The following RSPH6A variants were observed in gnomAD, a reference collection of about 807,000 sequenced individuals.
The protein encoded by RSPH6A is radial spoke head protein 6 homolog A.
In RSPH6A, 49 loss-of-function variants were observed where a neutral mutation model predicts 66.1. That is an observed-to-expected ratio of 0.74 (90% CI 0.59 to 0.94). RSPH6A has a LOEUF of 0.94. Among genes scored for constraint, RSPH6A ranks in the 40% least tolerant of loss-of-function variants. RSPH6A has a pLI of 0.00. For synonymous variants in RSPH6A, 419 were observed against 402.4 expected (o/e 1.04, Z -0.49); for missense variants, 977 against 948.3 (o/e 1.03, Z -0.40).
chr19:45,802,194 T>C lies in RSPH6A; in HGVS notation c.1724A>G (p.Lys575Arg). Reference sequence around the variant, plus strand: ...CACCTCCTCTGGCCCCTCATCTGCCTTCTCTTCCTCCTCCCCCAGGTCCTC... The same window carrying C: ...CACCTCCTCTGGCCCCTCATCTGCCCTCTCTTCCTCCTCCCCCAGGTCCTC... ...EEEDLGEEEE[K>R]ADEGPEEVEQ... Residue 575 changes from lysine to arginine, a missense_variant, in exon 4 of 6, where the codon AAG (lysine) becomes AGG (arginine). Coordinates refer to ENST00000221538, the MANE Select transcript of RSPH6A (RefSeq NM_030785.4). The C allele has an allele frequency of 6.4e-7, 1 of 1,552,696 alleles. No individual in the cohort carries two copies. Among genetic ancestry groups the C allele is most frequent in the Non-Finnish European group, 8.7e-7 (1 of 1,145,226 alleles).
intron 2 of RSPH6A, 60 bp from the exon 3 acceptor site, chr19:45,805,076 C>A: frequency 2.1e-6 from 3 of 1,428,538 alleles, no homozygotes; most frequent in Non-Finnish European, 2.9e-6. Context: ...CCCTAGCCTA[C>A]CTCTTCCAGA....
At chr19:45,800,825 C>T (rs1323180410) in intron 4 of RSPH6A, among the ~76,000 whole-genome samples, 5 of 148,872 alleles carry the variant, frequency 3.4e-5, no homozygotes, top group East Asian at 2.0e-4. Flanking sequence ...GACAGAGTCT[C>T]GTCGCTTTGT....
At chr19:45,801,795 A>C (rs573076816) in intron 4 of RSPH6A, among the ~76,000 whole-genome samples, 1 of 149,570 alleles carries the variant, frequency 6.7e-6, no homozygotes, top group Non-Finnish European at 1.5e-5. Context: ...CACCACCACC[A>C]CACACACACA....
intron 2 of RSPH6A, among the ~76,000 whole-genome samples, chr19:45,806,446 G>T (rs752682063): frequency 6.6e-6 from 1 of 151,958 alleles, no homozygotes; most frequent in Non-Finnish European, 1.5e-5. Context: ...GCCAAGGCAG[G>T]GAAATCACAA....
At chr19:45,796,448 G>A (rs1970409821) in intron 5 of RSPH6A, among the ~76,000 whole-genome samples, 1 of 151,730 alleles carries the variant, frequency 6.6e-6, no homozygotes, top group Non-Finnish European at 1.5e-5. Context: ...CACCGCACCT[G>A]GCCAGCCTTG....
At chr19:45,806,350 T>G (rs1970542853) in intron 2 of RSPH6A, among the ~76,000 whole-genome samples, 1 of 151,796 alleles carries the variant, frequency 6.6e-6, no homozygotes, top group African/African-American at 2.4e-5. Flanking sequence ...AGAAAGGGAC[T>G]GAAGGCAAGC....
rs760087377 is a variant in RSPH6A at position 45,800,453 on chromosome 19, T to TGGCATA, written c.1903_1908dup (p.Tyr635_Ala636dup). On this transcript the variant is annotated inframe_insertion, in exon 5 of 6. Transcript: ENST00000221538. ...GGCTGGGGGAAGACCTACTTGCCAC[T>TGGCATA]GGCATAGGCATAGGCCCCGGGCCAG... 31 of 1,612,210 alleles carry TGGCATA rather than the reference T, an allele frequency of 1.9e-5. No homozygotes were observed. The Admixed American group carries it at 4.0e-4, about 21-fold the overall frequency.
chr19:45,797,388 A>T (rs1970419875), intron 5 of RSPH6A, among the ~76,000 whole-genome samples: 1 of 151,894 alleles, frequency 6.6e-6, no homozygotes, highest in Admixed American at 6.6e-5. Flanking sequence ...CTCAAAAAAA[A>T]AAAAAAGAAA....
In RSPH6A at chr19:45,815,095, G is replaced by A. The variant is rs374435874; in HGVS notation, c.82C>T (p.His28Tyr). 1.5e-5 allele frequency: 25 copies of A among 1,613,102 alleles called. No homozygotes were observed. The highest frequency in any genetic ancestry group is 2.1e-5 in the Non-Finnish European group (25 of 1,180,022). The stretch of plus-strand genomic sequence containing the variant: ...AGGGCCTGAGCTTGGTCCCGACTGT[G>A]CCGCCTCTGGGAGGCCTGAGAAGTC... Reference protein sequence around the residue: ...RRTSQASQRRHSRDQAQALAA... With the variant: ...RRTSQASQRRYSRDQAQALAA... Residue 28 changes from histidine to tyrosine, a missense_variant, in exon 1 of 6, where the codon CAC becomes TAC. Physicochemically the swap from His to Tyr is moderately conservative, Grantham distance 83 (BLOSUM62 2). Transcript: ENST00000221538.
intron 1 of RSPH6A, among the ~76,000 whole-genome samples, chr19:45,811,433 T>A (rs1184937094): frequency 1.3e-5 from 2 of 152,004 alleles, no homozygotes; most frequent in Non-Finnish European, 2.9e-5. Flanking sequence ...AGGTTTGCAA[T>A]TTTATTTTTT....
In RSPH6A at chr19:45,810,672, C is replaced by T; in HGVS notation, c.819G>A (p.Glu273=). Residue 273 remains glutamate, a synonymous_variant, in exon 2 of 6, where the codon GAG becomes GAA. Coordinates refer to ENST00000221538, the MANE Select transcript of RSPH6A (RefSeq NM_030785.4). ...TCCGGGTGAACAGCGCCTTCTGTTT[C>T]TCCGCCATCTTGTAGGTGGGCTGCA... The part of the protein sequence containing the change: ...PEMQPTYKMA[E]KQKALFTRSG... 1 of 1,614,154 alleles carries T rather than the reference C, an allele frequency of 6.2e-7. No homozygotes were observed. The highest frequency in any genetic ancestry group is 8.5e-7 in the Non-Finnish European group (1 of 1,180,026).
chr19:45,797,192 C>T (rs1024929808), intron 5 of RSPH6A, among the ~76,000 whole-genome samples: 49 of 151,540 alleles, frequency 3.2e-4, no homozygotes, highest in African/African-American at 9.2e-4. Flanking sequence ...CTAGCTAACA[C>T]GGTGAAACCC....
At chr19:45,807,809 C>T (rs939785765) in intron 2 of RSPH6A, among the ~76,000 whole-genome samples, 15 of 152,190 alleles carry the variant, frequency 9.9e-5, no homozygotes, top group African/African-American at 3.1e-4. Context: ...CTGCACCCAA[C>T]CAGTGATGGG....
chr19:45,802,025 G>T, intron 4 of RSPH6A, 95 bp downstream of exon 4: 1 of 1,245,950 alleles, frequency 8.0e-7, no homozygotes, highest in Non-Finnish European at 1.0e-6. Flanking sequence ...TGGGAGGGAA[G>T]GACCGGGGAG....
At chr19:45,805,577 A>G (rs1970533571) in intron 2 of RSPH6A, among the ~76,000 whole-genome samples, 8 of 152,074 alleles carry the variant, frequency 5.3e-5, no homozygotes, top group Admixed American at 5.2e-4. Flanking sequence ...CTGTAATCCT[A>G]GCTATTTGGG....
Position 45,814,575 on chromosome 19 carries a change from T to C in RSPH6A, c.602A>G (p.Asn201Ser). The change falls in exon 1 of 6, where the codon AAC becomes AGC. Residue 201 changes from asparagine (N) to serine (S), a missense_variant. By Grantham distance (46) the Asn-to-Ser change is conservative (BLOSUM62 1). Coordinates refer to ENST00000221538, the MANE Select transcript of RSPH6A (RefSeq NM_030785.4). ...GGTCTGCAGCAGGTAGGCCTTGGCG[T>C]TCTGCACGGCCAGCTCCAGAGGCTC... ...EPEPLELAVQ[N>S]AKAYLLQTSI... The C allele has an allele frequency of 6.5e-7, 1 of 1,537,036 alleles. No homozygotes were observed. Among genetic ancestry groups the C allele is most frequent in the Non-Finnish European group, 8.7e-7 (1 of 1,143,104 alleles).
In RSPH6A at chr19:45,802,304, C is replaced by T. The variant is rs965372076; in HGVS notation, c.1654-40G>A. ...AAGCTCAGGTGATGGCCCCAGTGCA[C>T]GGAACCCAGCCTGCCTCCTGTGGGG... is the stretch of plus-strand genomic sequence containing the variant. On this transcript the variant is annotated intron_variant, in intron 3 of 5. Coordinates refer to ENST00000221538, the MANE Select transcript of RSPH6A (RefSeq NM_030785.4). 14 of 1,315,346 alleles carry T rather than the reference C, an allele frequency of 1.1e-5. No individual in the cohort carries two copies. The African/African-American group carries it at 1.2e-4, about 11-fold the overall frequency. The allele number at this position is 1,315,346 out of a possible 1,614,324, so 81.5% of individuals were successfully genotyped here.
rs1970460013 is a variant in RSPH6A at position 45,800,702 on chromosome 19, G to A, written c.1799-139C>T. 21 of 609,242 alleles carry A rather than the reference G, an allele frequency of 3.4e-5. No individual in the cohort carries two copies. In the South Asian group the frequency reaches 4.0e-4, roughly 12 times the overall value. The allele number at this position is 609,242 out of a possible 1,614,324, so 37.7% of individuals were successfully genotyped here. On this transcript the variant is annotated intron_variant, in intron 4 of 5. Transcript: ENST00000221538. Reference sequence around the variant, plus strand: ...GGAACTATAGCCACCAACAGCTCGGGCTGCGGTGTTTGAACCCTCGCTGCA... The same window carrying A: ...GGAACTATAGCCACCAACAGCTCGGACTGCGGTGTTTGAACCCTCGCTGCA...
At position 45,814,667 on chromosome 19, in the gene RSPH6A, G is replaced by A. The variant is rs1216509212; in HGVS notation, c.510C>T (p.Asp170=). Residue 170 remains aspartate (D), a synonymous_variant, in exon 1 of 6, where the codon GAC becomes GAT. Coordinates refer to ENST00000221538, the MANE Select transcript of RSPH6A (RefSeq NM_030785.4). ...GAQHGPYIRD[D]PALQFLPSEL... ...CAGAGGGCAAGAACTGAAGGGCAGG[G>A]TCATCCCTTATGTAAGGCCCGTGCT... is the stretch of plus-strand genomic sequence containing the variant. The A allele has an allele frequency of 2.5e-6, 4 of 1,611,280 alleles. No homozygotes were observed. The highest frequency in any genetic ancestry group is 3.4e-6 in the Non-Finnish European group (4 of 1,178,566).
Sources: allele counts gnomAD v4.1 joint callset (sites outside exome capture counted in the v4.1 genomes callset), GRCh38; gene constraint gnomAD v4.1.1; transcripts MANE v1.5; gene names NCBI Gene and HGNC (gene_info 2026-07-23, HGNC 2026-07-21).